FOXN3: variants seen among roughly 807,000 people sequenced by gnomAD.
The protein encoded by FOXN3 is forkhead box N3.
FOXN3 carries 7 observed loss-of-function variants against 38.4 expected under a neutral mutation model. The observed-to-expected ratio is 0.18, with a 90% confidence interval of 0.10 to 0.34. The LOEUF (loss-of-function observed/expected upper bound fraction) is 0.34, where lower values mean the gene tolerates loss of function less well. FOXN3 is among the 10% of genes least tolerant of loss of function. FOXN3 has a pLI of 1.00. For missense variants in FOXN3, 456 were observed against 613.4 expected (o/e 0.74, Z 2.71); for synonymous variants, 230 against 242.2 (o/e 0.95, Z 0.47).
At chr14:89,545,585 C>CT (rs1894867891) in intron 1 of FOXN3, among the ~76,000 whole-genome samples, 1 of 152,238 alleles carries the variant, frequency 6.6e-6, no homozygotes, top group Non-Finnish European at 1.5e-5. Flanking sequence ...TTAAAATGCA[C>CT]TGCAAGAGCT....
chr14:89,514,161 AGGGAGAAGGAGGATGGAAGGTG>A (rs1410609734), intron 1 of FOXN3, among the ~76,000 whole-genome samples: 1 of 152,196 alleles, frequency 6.6e-6, no homozygotes, highest in Non-Finnish European at 1.5e-5. Context: ...GAAAGTGGTG[AGGGAGAAGGAGGATGGAAGGTG>A]GGGAGAAGTT....
intron 1 of FOXN3, among the ~76,000 whole-genome samples, chr14:89,560,402 C>T (rs539243399): frequency 9.5e-4 from 144 of 152,272 alleles, no homozygotes; most frequent in Non-Finnish European, 1.6e-3. Context: ...AACATGGAGG[C>T]CACCCCCTCA....
chr14:89,274,110 A>C (rs1010083011), intron 4 of FOXN3, among the ~76,000 whole-genome samples: 1 of 152,192 alleles, frequency 6.6e-6, no homozygotes, highest in Non-Finnish European at 1.5e-5. Flanking sequence ...CTCCAACCAA[A>C]TGGGAAAGCA....
intron 1 of FOXN3, among the ~76,000 whole-genome samples, chr14:89,555,834 T>C (rs1895103624): frequency 7.1e-6 from 1 of 139,900 alleles, no homozygotes; most frequent in Non-Finnish European, 1.5e-5. Context: ...ACCTTCTAGT[T>C]CATGGTGTGT....
chr14:89,533,821 C>T (rs1894627633), intron 1 of FOXN3, among the ~76,000 whole-genome samples: 2 of 151,982 alleles, frequency 1.3e-5, no homozygotes, highest in Admixed American at 1.3e-4. Flanking sequence ...ACGAGAAAAG[C>T]TCCCACTTAA....
intron 2 of FOXN3, among the ~76,000 whole-genome samples, chr14:89,389,634 C>T (rs11625963): frequency 0.2 from 30,005 of 152,132 alleles, 3,114 homozygotes; most frequent in South Asian, 0.38. Context: ...AAGACAAAGA[C>T]GGAAAAACTG....
intron 4 of FOXN3, among the ~76,000 whole-genome samples, chr14:89,202,621 T>A (rs2139820804): frequency 6.6e-6 from 1 of 152,290 alleles, no homozygotes; most frequent in Admixed American, 6.5e-5. Context: ...GGCTCAGAGC[T>A]GTCCTTGTGG....
At chr14:89,350,427 C>G (rs1369308920) in intron 3 of FOXN3, 1 of 346,514 alleles carries the variant, frequency 2.9e-6, no homozygotes, top group East Asian at 4.4e-5. Flanking sequence ...TGTTTCTACC[C>G]AGGAAGACAT....
At chr14:89,422,552 T>C (rs1157690320) in intron 1 of FOXN3, among the ~76,000 whole-genome samples, 1 of 152,176 alleles carries the variant, frequency 6.6e-6, no homozygotes, top group African/African-American at 2.4e-5. Flanking sequence ...AAGAGTCTCT[T>C]TGAGATAAGG....
intron 4 of FOXN3, among the ~76,000 whole-genome samples, chr14:89,195,774 G>T (rs56682784): frequency 6.6e-6 from 1 of 152,258 alleles, no homozygotes; most frequent in East Asian, 1.9e-4. Flanking sequence ...AGTGAGACAG[G>T]GGGGTACGAG....
chr14:89,440,141 G>T (rs370398677), intron 1 of FOXN3, among the ~76,000 whole-genome samples: 3 of 152,168 alleles, frequency 2.0e-5, no homozygotes, highest in East Asian at 3.9e-4. Context: ...ACCTGCCATG[G>T]TTATCCAGCT....
At chr14:89,543,279 G>C (rs1355634602) in intron 1 of FOXN3, among the ~76,000 whole-genome samples, 5 of 152,128 alleles carry the variant, frequency 3.3e-5, no homozygotes, top group Admixed American at 2.6e-4. Flanking sequence ...TTGCCTGTGA[G>C]GTAGTTTCTA....
At position 89,488,944 on chromosome 14, in the gene FOXN3, A is replaced by G. The variant is rs376010126; in HGVS notation, c.-14-76454T>C. Among the ~76,000 whole-genome samples the G allele has an allele frequency of 1.4e-4, 22 of 152,316 alleles. No homozygotes were observed. The South Asian group carries it at 3.5e-3, about 24-fold the overall frequency. On this transcript the variant is annotated intron_variant, in intron 1 of 6. Coordinates refer to the FOXN3 transcript ENST00000345097. ...AAACAGTTAAATTAATACATCTCCA[A>G]TTAGAGGAAAAAATGCTTCTCATGA...
At chr14:89,360,757 C>A (rs1596216772) in intron 2 of FOXN3, among the ~76,000 whole-genome samples, 3 of 111,054 alleles carry the variant, frequency 2.7e-5, no homozygotes, top group Admixed American at 8.6e-5. Flanking sequence ...TCCACCACCA[C>A]CTCCACCACT....
intron 3 of FOXN3, among the ~76,000 whole-genome samples, chr14:89,294,270 C>T (rs1886969322): frequency 6.6e-6 from 1 of 150,884 alleles, no homozygotes; most frequent in Non-Finnish European, 1.5e-5. Flanking sequence ...TCTTCAGGCA[C>T]AGTCCCCAGG....
At chr14:89,324,523 G>A in intron 3 of FOXN3, among the ~76,000 whole-genome samples, 1 of 151,648 alleles carries the variant, frequency 6.6e-6, no homozygotes, top group South Asian at 2.1e-4. Flanking sequence ...AAACAAAGCG[G>A]CAGTAGGATA....
chr14:89,564,872 C>A lies in FOXN3; in HGVS notation c.-15+54156G>T, dbSNP rs140821299. 4.6e-5 allele frequency among the ~76,000 whole-genome samples: 7 copies of A among 152,052 alleles called. No individual in the cohort carries two copies. In the East Asian group the frequency reaches 1.4e-3, roughly 29 times the overall value. ...CTTTAGGAGGCCTTGACGGGTGGATCACCCAAGGTCAGGAGTTCGAGACCA... is the reference window on the plus strand; with the variant it reads ...CTTTAGGAGGCCTTGACGGGTGGATAACCCAAGGTCAGGAGTTCGAGACCA... On this transcript the variant is annotated intron_variant, in intron 1 of 6. Transcript: ENST00000345097.
intron 4 of FOXN3, among the ~76,000 whole-genome samples, chr14:89,207,885 A>T (rs1439691779): frequency 6.6e-6 from 1 of 152,122 alleles, no homozygotes; most frequent in Non-Finnish European, 1.5e-5. Flanking sequence ...GATGAGTTAA[A>T]CTTGACCTTC....
chr14:89,394,722 C>G (rs1477103621), intron 2 of FOXN3, among the ~76,000 whole-genome samples: 1 of 152,330 alleles, frequency 6.6e-6, no homozygotes, highest in Admixed American at 6.5e-5. Flanking sequence ...ACCTGGGATT[C>G]CAGGAATAGG....
Sources: gnomAD v4.1 joint callset for allele counts (sites outside exome capture counted in the v4.1 genomes callset) on GRCh38, gnomAD v4.1.1 for gene constraint, MANE v1.5 for transcripts, NCBI Gene and HGNC (gene_info 2026-07-23, HGNC 2026-07-21) for gene names.